Variants in MAGI1 observed in about 807,000 individuals in gnomAD.
MAGI1 encodes the protein membrane-associated guanylate kinase, WW and PDZ domain-containing protein 1.
A neutral mutation model predicts 139.9 loss-of-function variants in MAGI1; 58 were observed. The ratio of observed to expected loss-of-function variants is 0.41; its 90% CI spans 0.34 to 0.52. MAGI1 has a LOEUF of 0.52. MAGI1 is among the 20% of genes least tolerant of loss of function. The pLI is 0.12. For missense variants in MAGI1, 1,874 were observed against 1,901.6 expected (o/e 0.99, Z 0.27); for synonymous variants, 812 against 737.9 (o/e 1.10, Z -1.63).
intron 1 of MAGI1, among the ~76,000 whole-genome samples, chr3:66,015,978 T>C (rs1173012895): frequency 1.3e-5 from 2 of 152,222 alleles, no homozygotes; most frequent in Non-Finnish European, 2.9e-5. Flanking sequence ...ACTTAGAATG[T>C]GTTTCTATCA....
chr3:65,547,067 A>G (rs1186021453), intron 2 of MAGI1, among the ~76,000 whole-genome samples: 1 of 152,228 alleles, frequency 6.6e-6, no homozygotes, highest in Non-Finnish European at 1.5e-5. Flanking sequence ...TGTTACATCA[A>G]TCCATCTTAC....
intron 1 of MAGI1, among the ~76,000 whole-genome samples, chr3:65,869,280 AATTG>A (rs1003243360): frequency 6.6e-6 from 1 of 150,620 alleles, no homozygotes; most frequent in Non-Finnish European, 1.5e-5. Context: ...AACAACAACT[AATTG>A]ATTATGTTTA....
chr3:65,892,957 T>C (rs264666), intron 1 of MAGI1, among the ~76,000 whole-genome samples: 14,221 of 152,198 alleles, frequency 0.093, 1,828 homozygotes, highest in African/African-American at 0.29. Flanking sequence ...TTGTAGCTTT[T>C]AGCCTGAAAG....
chr3:65,982,394 G>A (rs1222343874), intron 1 of MAGI1, among the ~76,000 whole-genome samples: 1 of 152,206 alleles, frequency 6.6e-6, no homozygotes, highest in Non-Finnish European at 1.5e-5. Context: ...GCAGAGTCCT[G>A]CTCTTGACCT....
rs1559511267 is a variant in MAGI1 at position 65,382,213 on chromosome 3, G to C, written c.2509-144C>G. 7.9e-6 allele frequency: 5 copies of C among 635,852 alleles called. No homozygotes were observed. The Admixed American group carries it at 1.6e-4, about 21-fold the overall frequency. The allele number at this position is 635,852 out of a possible 1,614,324, so 39.4% of individuals were successfully genotyped here. ...TTTATTGAGCACCCACTGTGTACAAGACATTGTGCTAAGCACTGCAACAAT... is the reference window on the plus strand; with the variant it reads ...TTTATTGAGCACCCACTGTGTACAACACATTGTGCTAAGCACTGCAACAAT... On this transcript the variant is annotated intron_variant, in intron 15 of 22. Coordinates refer to ENST00000402939, the MANE Select transcript of MAGI1 (RefSeq NM_001033057.2).
rs879749830 is a variant in MAGI1, at chr3:65,996,545, G to C, written c.313+41451C>G. ...TAACTATAAATGAAAAACTAAGGGGGGGGGGGGGGAAGCGAGCCCCCACTT... is the reference window on the plus strand; with the variant it reads ...TAACTATAAATGAAAAACTAAGGGGCGGGGGGGGGAAGCGAGCCCCCACTT... On this transcript the variant is annotated intron_variant, in intron 1 of 22. Coordinates refer to ENST00000402939, the MANE Select transcript of MAGI1 (RefSeq NM_001033057.2). Among the ~76,000 whole-genome samples the C allele has an allele frequency of 1.8e-4, 27 of 151,320 alleles. 1 individual carries two copies. The highest frequency in any genetic ancestry group is 2.6e-4 in the Admixed American group (4 of 15,204).
At chr3:65,801,902 T>A (rs1158352021) in intron 1 of MAGI1, among the ~76,000 whole-genome samples, 2 of 152,124 alleles carry the variant, frequency 1.3e-5, no homozygotes, top group East Asian at 3.9e-4. Context: ...AAACTAGCAT[T>A]ACCTCCTGAG....
intron 1 of MAGI1, among the ~76,000 whole-genome samples, chr3:65,660,030 T>C (rs1189983059): frequency 6.6e-6 from 1 of 152,200 alleles, no homozygotes; most frequent in African/African-American, 2.4e-5. Context: ...ATCTACCTGG[T>C]ATTTACAAAA....
At chr3:65,701,629 A>G (rs2089614981) in intron 1 of MAGI1, among the ~76,000 whole-genome samples, 2 of 151,950 alleles carry the variant, frequency 1.3e-5, no homozygotes, top group South Asian at 4.2e-4. Flanking sequence ...AGCTTCCAAG[A>G]CAGACCCCAA....
At chr3:65,910,265 T>C (rs1434600768) in intron 1 of MAGI1, among the ~76,000 whole-genome samples, 1 of 152,206 alleles carries the variant, frequency 6.6e-6, no homozygotes, top group Non-Finnish European at 1.5e-5. Flanking sequence ...ACAGAGTACT[T>C]TTGTTAAGAG....
intron 1 of MAGI1, among the ~76,000 whole-genome samples, chr3:65,805,772 A>C (rs1175853630): frequency 7.2e-5 from 11 of 152,184 alleles, no homozygotes; most frequent in Admixed American, 4.6e-4. Flanking sequence ...AAGGAACAAG[A>C]TCATGTCCTT....
chr3:65,704,926 G>A (rs1165815743), intron 1 of MAGI1, among the ~76,000 whole-genome samples: 1 of 151,774 alleles, frequency 6.6e-6, no homozygotes, highest in Non-Finnish European at 1.5e-5. Flanking sequence ...CCCAAGACAC[G>A]GCTTTCTACT....
intron 12 of MAGI1, among the ~76,000 whole-genome samples, chr3:65,402,367 G>A (rs1944966783): frequency 6.6e-6 from 1 of 152,192 alleles, no homozygotes; most frequent in Non-Finnish European, 1.5e-5. Flanking sequence ...CTCAATTCTA[G>A]GGAAGTCAGG....
At chr3:65,438,173 G>A (rs531194860) in intron 9 of MAGI1, among the ~76,000 whole-genome samples, 10 of 152,138 alleles carry the variant, frequency 6.6e-5, no homozygotes, top group Admixed American at 1.3e-4. Context: ...TGGTATGTAT[G>A]CCATGGAATA....
At chr3:65,632,717 A>G (rs925101247) in intron 1 of MAGI1, among the ~76,000 whole-genome samples, 9 of 152,334 alleles carry the variant, frequency 5.9e-5, no homozygotes, top group African/African-American at 1.9e-4. Context: ...AGCCATTGAC[A>G]AGATGTACAT....
chr3:65,965,564 C>A (rs910950937), intron 1 of MAGI1, among the ~76,000 whole-genome samples: 8 of 151,944 alleles, frequency 5.3e-5, no homozygotes, highest in Non-Finnish European at 1.2e-4. Context: ...ATCTCAAGAA[C>A]TGAGAAAGGA....
intron 1 of MAGI1, among the ~76,000 whole-genome samples, chr3:65,654,439 G>A (rs761859986): frequency 6.6e-6 from 1 of 152,152 alleles, no homozygotes; most frequent in Non-Finnish European, 1.5e-5. Flanking sequence ...GACCTATCAT[G>A]ACTGTAAACA....
At chr3:65,487,117 G>A (rs1951685995) in intron 3 of MAGI1, among the ~76,000 whole-genome samples, 2 of 152,100 alleles carry the variant, frequency 1.3e-5, no homozygotes, top group Admixed American at 6.5e-5. Context: ...GGTGTTCCGC[G>A]TTTTTATTTG....
At chr3:65,411,335 T>A (rs1279794745) in intron 12 of MAGI1, among the ~76,000 whole-genome samples, 2 of 152,200 alleles carry the variant, frequency 1.3e-5, no homozygotes, top group Non-Finnish European at 2.9e-5. Flanking sequence ...TTTGAATTGC[T>A]TTTTATGCAA....
Sources: allele counts gnomAD v4.1 joint callset (sites outside exome capture counted in the v4.1 genomes callset), GRCh38; gene constraint gnomAD v4.1.1; transcripts MANE v1.5; gene names NCBI Gene and HGNC (gene_info 2026-07-23, HGNC 2026-07-21).